Variants in PKHD1L1 observed in about 807,000 individuals in gnomAD.
PKHD1L1 encodes PKHD1 like 1.
PKHD1L1 carries 434 observed loss-of-function variants against 462.9 expected under a neutral mutation model. The ratio of observed to expected loss-of-function variants is 0.94; its 90% confidence interval spans 0.87 to 1.02. The LOEUF (loss-of-function observed/expected upper bound fraction) is 1.02, where lower values mean the gene tolerates loss of function less well. Among genes scored for constraint, PKHD1L1 ranks in the 50% least tolerant of loss-of-function variants. PKHD1L1 has a pLI of 0.00. For synonymous variants in PKHD1L1, 1,781 were observed against 1,750.0 expected (o/e 1.02, Z -0.44); for missense variants, 5,202 against 5,096.1 (o/e 1.02, Z -0.63).
intron 14 of PKHD1L1, among the ~76,000 whole-genome samples, chr8:109,402,127 C>T (rs1813303885): frequency 6.6e-6 from 1 of 152,068 alleles, no homozygotes; most frequent in Non-Finnish European, 1.5e-5. Context: ...ATCCAAATAC[C>T]AGATAATCCC....
chr8:109,459,909 A>G (rs1332614164), intron 47 of PKHD1L1, 73 bp downstream of exon 47: 6 of 1,335,240 alleles, frequency 4.5e-6, no homozygotes, highest in Non-Finnish European at 6.0e-6. Context: ...TTATATTGAA[A>G]TACATTATTT....
chr8:109,407,894 GC>G (rs1813642551), intron 17 of PKHD1L1, among the ~76,000 whole-genome samples, 154 bp from the exon 18 acceptor site: 3 of 151,764 alleles, frequency 2.0e-5, no homozygotes, highest in Non-Finnish European at 1.5e-5. Flanking sequence ...GATCTACATC[GC>G]CCCCATTCTT....
intron 71 of PKHD1L1, among the ~76,000 whole-genome samples, chr8:109,511,421 A>G (rs1400939787): frequency 1.4e-3 from 177 of 126,346 alleles, no homozygotes; most frequent in African/African-American, 2.3e-3. Context: ...TTCAATTCCC[A>G]CCTATGAGTG....
chr8:109,434,632 C>T lies in PKHD1L1; in HGVS notation c.3341-558C>T, dbSNP rs180747655. The stretch of plus-strand genomic sequence containing the variant: ...TACAGGTGTCTGACACCACACCCAG[C>T]TATTTTTTGTATTTTTAATAGAGAC... On this transcript the variant is annotated intron_variant, in intron 28 of 77. Coordinates refer to ENST00000378402, the MANE Select transcript of PKHD1L1 (RefSeq NM_177531.6). 1.8e-3 allele frequency among the ~76,000 whole-genome samples: 275 copies of T among 152,120 alleles called. 1 individual carries two copies. The highest frequency in any genetic ancestry group is 6.4e-3 in the African/African-American group (264 of 41,496).
Position 109,445,417 on chromosome 8 carries a change from G to A in PKHD1L1, c.5548G>A (p.Val1850Met), listed in dbSNP as rs1479851473. 4 of 1,613,964 alleles carry A rather than the reference G, an allele frequency of 2.5e-6. No individual in the cohort carries two copies. In the South Asian group the frequency reaches 3.3e-5, roughly 13 times the overall value. The change falls in exon 38 of 78, where the codon GTG becomes ATG. Residue 1850 changes from valine to methionine, a missense_variant. By Grantham distance (21) the Val-to-Met change is conservative. This residue lies in a region of PKHD1L1 where 4,497 missense variants were observed against 4,336.8 expected (regional missense o/e 1.04). Transcript: ENST00000378402. ...SGSIGGGTTL[V>M]ITGNGFYPGN... ...AAGCATTGGTGGTGGAACTACACTG[G>A]TGATCACAGGAAATGGCTTCTATCC...
At chr8:109,467,365 C>G (rs905910540) in intron 50 of PKHD1L1, among the ~76,000 whole-genome samples, 1 of 152,102 alleles carries the variant, frequency 6.6e-6, no homozygotes, top group African/African-American at 2.4e-5. Flanking sequence ...AATCATGGCA[C>G]TAATCTCTAC....
chr8:109,466,685 T>C lies in PKHD1L1; in HGVS notation c.8521T>C (p.Ser2841Pro), dbSNP rs1371971973. Reference protein sequence around the residue: ...IGFPGSVCDASVSFHRLAFNQ... With the variant: ...IGFPGSVCDAPVSFHRLAFNQ... ...GTTCCCTGGATCAGTCTGTGATGCT[T>C]CAGTCAGCTTTCACCGTTTAGCGTT... The change falls in exon 50 of 78, where the codon TCA becomes CCA. Residue 2841 changes from serine to proline, a missense_variant. Coordinates refer to ENST00000378402, the MANE Select transcript of PKHD1L1 (RefSeq NM_177531.6). The C allele has an allele frequency of 6.2e-7, 1 of 1,612,568 alleles. No homozygotes were observed. The highest frequency in any genetic ancestry group is 2.2e-5 in the East Asian group (1 of 44,792).
rs1413811031 is a variant in PKHD1L1 at position 109,420,605 on chromosome 8, C to A, written c.2612C>A (p.Pro871Gln). ...GTGAATCAGACCAAAACAAATGGGC[C>A]AACTATGACAAACCAATATTCTGTT... The part of the protein sequence containing the change: ...FQVNQTKTNG[P>Q]TMTNQYSVTM... The change falls in exon 23 of 78, where the codon CCA becomes CAA. Residue 871 changes from proline to glutamine, a missense_variant. This residue lies in a region of PKHD1L1 where 4,497 missense variants were observed against 4,336.8 expected (regional missense o/e 1.04). Coordinates refer to ENST00000378402, the MANE Select transcript of PKHD1L1 (RefSeq NM_177531.6). The A allele has an allele frequency of 1.4e-5, 23 of 1,608,962 alleles. No homozygotes were observed. Among genetic ancestry groups the A allele is most frequent in the Non-Finnish European group, 1.8e-5 (21 of 1,177,332 alleles).
intron 21 of PKHD1L1, among the ~76,000 whole-genome samples, chr8:109,414,475 T>C (rs1814025894): frequency 6.6e-6 from 1 of 152,120 alleles, no homozygotes; most frequent in Non-Finnish European, 1.5e-5. Context: ...TCTCCATATC[T>C]TGAAAATATT....
chr8:109,389,771 G>A (rs1014396849), intron 8 of PKHD1L1, among the ~76,000 whole-genome samples: 91 of 151,988 alleles, frequency 6.0e-4, no homozygotes, highest in Admixed American at 1.3e-3. Context: ...CGGGTGATCC[G>A]CCCGCCTCAG....
At position 109,436,332 on chromosome 8, in the gene PKHD1L1, A is replaced by C. The variant is rs766982682; in HGVS notation, c.3506-6A>C. On this transcript the variant is annotated splice_region_variant and splice_polypyrimidine_tract_variant and intron_variant, in intron 29 of 77. Coordinates refer to ENST00000378402, the MANE Select transcript of PKHD1L1 (RefSeq NM_177531.6). ...GTTGTTGTTTTTGTTTGCTTTTCTT[A>C]TGAAGGTGGTACTCTACTGACTTTA... 4 of 1,601,648 alleles carry C rather than the reference A, an allele frequency of 2.5e-6. No individual in the cohort carries two copies. Among genetic ancestry groups the C allele is most frequent in the Non-Finnish European group, 2.5e-6 (3 of 1,177,156 alleles).
At chr8:109,491,814 G>A (rs1364779984) in intron 61 of PKHD1L1, 59 bp from the exon 62 acceptor site, 21 of 1,437,880 alleles carry the variant, frequency 1.5e-5, no homozygotes, top group Middle Eastern at 3.6e-4. Flanking sequence ...CCTAATAGTC[G>A]TTGCAAATTG....
chr8:109,472,116 C>A (rs150474903), intron 50 of PKHD1L1, among the ~76,000 whole-genome samples: 3 of 151,700 alleles, frequency 2.0e-5, no homozygotes, highest in Non-Finnish European at 4.4e-5. Context: ...TAGACTTGTG[C>A]GCATGGAAGT....
At chr8:109,412,101 G>C (rs144807091) in intron 19 of PKHD1L1, among the ~76,000 whole-genome samples, 164 bp from the exon 20 acceptor site, 1 of 152,138 alleles carries the variant, frequency 6.6e-6, no homozygotes, top group Non-Finnish European at 1.5e-5. Flanking sequence ...TTATGGATCC[G>C]AATGAGAGCT....
Position 109,477,219 on chromosome 8 carries a change from T to C in PKHD1L1, c.8918-6T>C. 2 of 1,612,980 alleles carry C rather than the reference T, an allele frequency of 1.2e-6. No homozygotes were observed. Among genetic ancestry groups the C allele is most frequent in the South Asian group, 2.2e-5 (2 of 90,962 alleles). ...TTCATTTAACCCACTTTTACTTCAC[T>C]TTCAGTGTCAGGAAGAAATGACCTT... is the stretch of plus-strand genomic sequence containing the variant. On this transcript the variant is annotated splice_region_variant and splice_polypyrimidine_tract_variant and intron_variant, in intron 52 of 77. Transcript: ENST00000378402.
At chr8:109,395,370 G>A (rs755716678) in intron 10 of PKHD1L1, among the ~76,000 whole-genome samples, 5 of 152,168 alleles carry the variant, frequency 3.3e-5, no homozygotes, top group Non-Finnish European at 7.3e-5. Flanking sequence ...ATAATGGAAA[G>A]ATCGTTTAGA....
At chr8:109,458,312 C>T (rs575505653) in intron 46 of PKHD1L1, among the ~76,000 whole-genome samples, 1 of 152,220 alleles carries the variant, frequency 6.6e-6, no homozygotes, top group East Asian at 1.9e-4. Flanking sequence ...GATTTAGATT[C>T]TCAGCCTCTC....
At chr8:109,378,109 C>T (rs1022872144) in intron 2 of PKHD1L1, among the ~76,000 whole-genome samples, 12 of 152,316 alleles carry the variant, frequency 7.9e-5, no homozygotes, top group Middle Eastern at 3.4e-3. Context: ...TAGCTACCAA[C>T]ACATTTCTCT....
At chr8:109,428,377 T>C (rs1285947264) in intron 25 of PKHD1L1, among the ~76,000 whole-genome samples, 1 of 152,108 alleles carries the variant, frequency 6.6e-6, no homozygotes, top group Admixed American at 6.6e-5. Flanking sequence ...TATATTTACC[T>C]GGAAAGAAAT....
Sources: allele counts gnomAD v4.1 joint callset (sites outside exome capture counted in the v4.1 genomes callset), GRCh38; gene constraint gnomAD v4.1.1; regional missense constraint gnomAD v4.1.1; transcripts MANE v1.5; gene names NCBI Gene and HGNC (gene_info 2026-07-23, HGNC 2026-07-21).